The following CDK5RAP3 variants were observed in gnomAD, a reference collection of about 807,000 sequenced individuals.
CDK5RAP3 encodes CDK5 regulatory subunit-associated protein 3.
Under a neutral mutation model 73.3 loss-of-function variants are expected in CDK5RAP3, and 58 were observed. The ratio of observed to expected loss-of-function variants is 0.79; its 90% confidence interval spans 0.64 to 0.98. CDK5RAP3 has a LOEUF of 0.98. Ranked by LOEUF, CDK5RAP3 falls within the 50% of genes least tolerant of loss-of-function variation. The pLI is 0.00. For missense variants in CDK5RAP3, 525 were observed against 615.8 expected (o/e 0.85, Z 1.56); for synonymous variants, 224 against 247.5 (o/e 0.91, Z 0.89).
intron 11 of CDK5RAP3, chr17:47,979,917 C>G (rs908757448): frequency 1.3e-5 from 2 of 152,398 alleles, no homozygotes; most frequent in African/African-American, 4.8e-5. Context: ...CTCTTGTATT[C>G]TTTTCAGCCT....
In CDK5RAP3 at chr17:47,976,741, A is replaced by C. The variant is rs61749926; in HGVS notation, c.828A>C (p.Ala276=). 14,600 of 1,612,518 alleles carry C rather than the reference A, an allele frequency of 9.1e-3. 125 individuals carry two copies. Among genetic ancestry groups the C allele is most frequent in the Middle Eastern group, 0.012 (69 of 5,850 alleles). ...AIDWGDFGVE[A]VSEGTDSGIS... ...ACTGGGGCGACTTTGGGGTAGAGGC[A>C]GTGTCTGAGGGGACTGACTCTGGCA... Residue 276 remains alanine, a synonymous_variant, in exon 9 of 14, where the codon GCA becomes GCC. Coordinates refer to ENST00000338399, the MANE Select transcript of CDK5RAP3 (RefSeq NM_176096.3).
intron 8 of CDK5RAP3, chr17:47,976,401 C>G (rs117284771): frequency 0.021 from 7,738 of 371,344 alleles, 103 homozygotes; most frequent in Non-Finnish European, 0.027. Context: ...GCTCTGTTGC[C>G]CAGGCTGGAG....
chr17:47,981,404 C>T, intron 13 of CDK5RAP3, 33 bp from the exon 14 acceptor site: 1 of 1,614,214 alleles, frequency 6.2e-7, no homozygotes, highest in Non-Finnish European at 8.5e-7. Context: ...CCTGAGCACC[C>T]CTGCTTCTGC....
chr17:47,975,379 C>A, intron 6 of CDK5RAP3, 42 bp downstream of exon 6: 1 of 1,605,408 alleles, frequency 6.2e-7, no homozygotes, highest in Non-Finnish European at 8.5e-7. Context: ...GACACCTGGG[C>A]CCCTGCTTGT....
At chr17:47,970,762 G>T (rs538160462), upstream of CDK5RAP3, 80 of 1,508,740 alleles carry the variant, frequency 5.3e-5, no homozygotes, top group Non-Finnish European at 6.3e-5. Flanking sequence ...CTAGGACCCC[G>T]CCAGCAGACG....
upstream of CDK5RAP3, chr17:47,971,052 T>C: frequency 1.3e-6 from 2 of 1,547,848 alleles, no homozygotes; most frequent in Non-Finnish European, 1.7e-6. Context: ...GGATGCCCGT[T>C]TGTGTCTAAA....
chr17:47,978,068 G>GTTT, intron 10 of CDK5RAP3, 158 bp downstream of exon 10: 6 of 377,584 alleles, frequency 1.6e-5, no homozygotes, highest in South Asian at 9.8e-5. Flanking sequence ...GACCAAGAGA[G>GTTT]GTTTTTTTTT....
chr17:47,969,745 C>T (rs1208142611), upstream of CDK5RAP3, among the ~76,000 whole-genome samples: 1 of 152,042 alleles, frequency 6.6e-6, no homozygotes, highest in Non-Finnish European at 1.5e-5. Context: ...AGCTGTATCT[C>T]CAGCCCCGAC....
chr17:47,978,517 G>A (rs920098786), intron 10 of CDK5RAP3: 2 of 340,036 alleles, frequency 5.9e-6, no homozygotes, highest in Non-Finnish European at 1.1e-5. Flanking sequence ...AGAAGACGTA[G>A]TGGTGTCTGA....
Position 47,975,018 on chromosome 17 carries a change from C to T in CDK5RAP3, c.335-141C>T, listed in dbSNP as rs2036364593. On this transcript the variant is annotated intron_variant, in intron 5 of 13. Coordinates refer to ENST00000338399, the MANE Select transcript of CDK5RAP3 (RefSeq NM_176096.3). ...GGATTAGAGGGGTTAAACAACTTGT[C>T]TTAGGCTCCACAGCTGGGAACAAGT... is the stretch of plus-strand genomic sequence containing the variant. The T allele has an allele frequency of 1.9e-6, 3 of 1,584,990 alleles. No homozygotes were observed. The East Asian group carries it at 6.8e-5, about 36-fold the overall frequency.
At chr17:47,978,048 A>T in intron 10 of CDK5RAP3, 138 bp downstream of exon 10, 2 of 541,030 alleles carry the variant, frequency 3.7e-6, no homozygotes, top group Non-Finnish European at 3.2e-6. Flanking sequence ...TGAGGATGTG[A>T]GCTGAGGGGG....
Position 47,977,829 on chromosome 17 carries a change from C to G in CDK5RAP3, c.910-3C>G, listed in dbSNP as rs112059606. ...TTGCTGTGGTTCTTTGCTCTCCTTC[C>G]AGGATCCTGGAGGTGATGGGATAGA... On this transcript the variant is annotated splice_region_variant and splice_polypyrimidine_tract_variant and intron_variant, in intron 9 of 13. Transcript: ENST00000338399. The G allele has an allele frequency of 6.2e-7, 1 of 1,613,040 alleles. No individual in the cohort carries two copies. The highest frequency in any genetic ancestry group is 8.5e-7 in the Non-Finnish European group (1 of 1,179,542).
At chr17:47,970,738 C>T (rs1397235470), upstream of CDK5RAP3, 9 of 1,533,776 alleles carry the variant, frequency 5.9e-6, no homozygotes, top group Non-Finnish European at 4.4e-6. Flanking sequence ...TTGCAACGGC[C>T]TCCCAGATCG....
rs747081993 is a variant in CDK5RAP3, at chr17:47,978,890, G to A, written c.1050G>A (p.Arg350=). 5.0e-6 allele frequency: 8 copies of A among 1,613,932 alleles called. No individual in the cohort carries two copies. The East Asian group carries it at 1.8e-4, about 36-fold the overall frequency. ...ALTLLEYTET[R]NQFLDELMEL... ...CACTGCTTGAATACACTGAGACCCG[G>A]AATCAGTTCCTTGATGAGCTCATGG... Residue 350 remains arginine (R), a synonymous_variant, in exon 11 of 14, where the codon CGG becomes CGA. Coordinates refer to ENST00000338399, the MANE Select transcript of CDK5RAP3 (RefSeq NM_176096.3).
rs1406348671 is a variant in CDK5RAP3, at chr17:47,981,567, T to C, written c.*65T>C. The C allele has an allele frequency of 3.7e-6, 6 of 1,613,654 alleles. No homozygotes were observed. The highest frequency in any genetic ancestry group is 5.1e-6 in the Non-Finnish European group (6 of 1,179,976). On this transcript the variant is annotated 3_prime_UTR_variant, in exon 14 of 14. Coordinates refer to ENST00000338399, the MANE Select transcript of CDK5RAP3 (RefSeq NM_176096.3). ...GGGATGAAGATGATAGCCAGGGCTG[T>C]TGTTTTGGGGCCCTTCAAGGCAAAA...
rs547270885 is a variant in CDK5RAP3, at chr17:47,978,926, A to G, written c.1077+9A>G. Reference sequence around the variant, plus strand: ...TTGATGAGCTCATGGAGGTACTGTCATCTCTGGAAGATGCAGGGGGGAGGC... The same window carrying G: ...TTGATGAGCTCATGGAGGTACTGTCGTCTCTGGAAGATGCAGGGGGGAGGC... On this transcript the variant is annotated intron_variant, in intron 11 of 13. Transcript: ENST00000338399. The G allele has an allele frequency of 3.1e-6, 5 of 1,609,496 alleles. No individual in the cohort carries two copies. In the South Asian group the frequency reaches 3.3e-5, roughly 11 times the overall value.
In CDK5RAP3 at chr17:47,975,233, C is replaced by T; in HGVS notation, c.409C>T (p.Gln137Ter). The change falls in exon 6 of 14, where the codon CAG (glutamine) becomes TAG (stop). Residue 137 changes from glutamine to a stop codon, truncating the protein, a stop_gained. Transcript: ENST00000338399. LOFTEE classifies it high-confidence loss of function. ...PSLKKQIAKC[Q>*]QLQQEYSRKE... ...ACTGAAGAAGCAGATTGCCAAGTGC[C>T]AGCAGCTGCAGCAAGAATACAGCCG... The T allele has an allele frequency of 1.2e-6, 2 of 1,614,136 alleles. No individual in the cohort carries two copies. The highest frequency in any genetic ancestry group is 1.7e-6 in the Non-Finnish European group (2 of 1,180,022).
chr17:47,969,580 A>AAAAAAAAAAAAAAAAAAG (rs1567720961), upstream of CDK5RAP3, among the ~76,000 whole-genome samples: 36 of 131,364 alleles, frequency 2.7e-4, no homozygotes, highest in African/African-American at 1.0e-3. Flanking sequence ...AAAAAAAAAA[A>AAAAAAAAAAAAAAAAAAG]AAAAGAAAAG....
chr17:47,969,706 C>G (rs918508839), upstream of CDK5RAP3, among the ~76,000 whole-genome samples: 1 of 152,134 alleles, frequency 6.6e-6, no homozygotes, highest in Admixed American at 6.6e-5. Flanking sequence ...ACCACTCGGA[C>G]CACAGATTAG....
Sources: allele counts gnomAD v4.1 joint callset (sites outside exome capture counted in the v4.1 genomes callset), GRCh38; gene constraint gnomAD v4.1.1; transcripts MANE v1.5; gene names NCBI Gene and HGNC (gene_info 2026-07-23, HGNC 2026-07-21).